The following MUC5B variants were observed in gnomAD, a reference collection of about 807,000 sequenced individuals.
MUC5B encodes the protein mucin-5B.
MUC5B carries 116 observed loss-of-function variants against 376.9 expected under a neutral mutation model. That is an observed-to-expected ratio of 0.31 (90% CI 0.26 to 0.36). The LOEUF (loss-of-function observed/expected upper bound fraction) is 0.36, where lower values mean the gene tolerates loss of function less well. Among genes scored for constraint, MUC5B ranks in the 10% least tolerant of loss-of-function variants. The pLI, the probability that MUC5B is intolerant of heterozygous loss-of-function variation, is 1.00. For synonymous variants in MUC5B, 3,517 were observed against 3,390.9 expected (o/e 1.04, Z -1.29); for missense variants, 7,165 against 7,769.9 (o/e 0.92, Z 2.93).
At chr11:1,237,223 C>A in intron 25 of MUC5B, 59 bp downstream of exon 25, 1 of 1,329,524 alleles carries the variant, frequency 7.5e-7, no homozygotes, top group East Asian at 3.0e-5. Context: ...TTCCTTCCCG[C>A]CGAGAACTGG....
intron 23 of MUC5B, among the ~76,000 whole-genome samples, 197 bp from the exon 24 acceptor site, chr11:1,236,187 CCT>C (rs1862152608): frequency 6.6e-6 from 1 of 152,170 alleles, no homozygotes; most frequent in Non-Finnish European, 1.5e-5. Context: ...CCAGGCAGCC[CCT>C]GTTCCCAGCA....
chr11:1,226,770 C>T lies in MUC5B; in HGVS notation c.355C>T (p.Arg119Cys), dbSNP rs1282126408. 4.3e-6 allele frequency: 7 copies of T among 1,612,584 alleles called. No individual in the cohort carries two copies. The highest frequency in any genetic ancestry group is 2.2e-5 in the South Asian group (2 of 91,074). Residue 119 changes from arginine to cysteine, a missense_variant, in exon 4 of 49, where the codon CGC (arginine) becomes TGC (cysteine). By Grantham distance (180) the Arg-to-Cys change is radical. Coordinates refer to ENST00000529681, the MANE Select transcript of MUC5B (RefSeq NM_002458.3). ...CTACGAGGACTTCAACGTCCAGCTA[C>T]GCCGAGGCCTAGTGGGCTCCAGGCC... ...AAYEDFNVQL[R>C]RGLVGSRPVV...
rs548726067 is a variant in MUC5B at position 1,245,150 on chromosome 11, G to A, written c.8270G>A (p.Arg2757Gln). ...VPNTTATTHG[R>Q]SLSPSSPHTV... The stretch of plus-strand genomic sequence containing the variant: ...AACACCACGGCCACCACACACGGGC[G>A]ATCCCTGTCCCCCAGCAGTCCCCAC... The change falls in exon 31 of 49, where the codon CGA becomes CAA. Residue 2757 changes from arginine (R) to glutamine (Q), a missense_variant. By Grantham distance (43) the Arg-to-Gln change is conservative. This residue lies in a region of MUC5B where 70 missense variants were observed against 169.1 expected (regional missense o/e 0.41). Coordinates refer to ENST00000529681, the MANE Select transcript of MUC5B (RefSeq NM_002458.3). 1.6e-4 allele frequency: 246 copies of A among 1,560,892 alleles called. No individual in the cohort carries two copies. The highest frequency in any genetic ancestry group is 2.0e-4 in the Non-Finnish European group (228 of 1,152,254).
rs750221816 is a variant in MUC5B at position 1,228,736 on chromosome 11, C to T, written c.947C>T (p.Pro316Leu). 2.2e-5 allele frequency: 34 copies of T among 1,520,636 alleles called. No individual in the cohort carries two copies. In the Middle Eastern group the frequency reaches 6.9e-4, roughly 31 times the overall value. 94.2% of individuals were successfully genotyped at this position (1,520,636 alleles called of 1,614,324 possible). A position where few individuals can be genotyped will look rare whatever the true frequency, so the allele number is the denominator to read the frequency against. Residue 316 changes from proline to leucine, a missense_variant, in exon 8 of 49, where the codon CCG becomes CTG. Around this residue, in one of 31 missense-constraint regions of MUC5B, gnomAD observed 640 missense variants for 733.0 expected, o/e 0.87. Transcript: ENST00000529681. ...CAGTGCGCCCACGCGGGGGGCCAGC[C>T]GCGGAACTGGAGGTGCCCTGAGCTC... ...SRQCAHAGGQ[P>L]RNWRCPELCP... is the part of the protein sequence containing the mutation.
Position 1,244,935 on chromosome 11 carries a change from T to C in MUC5B, c.8055T>C (p.Gly2685=). ...ATPSSSTQTS[G]TPPSLTTTAT... ...CCTCCTCTAGCACACAGACCAGTGG[T>C]ACTCCCCCATCACTGACCACCACGG... The change falls in exon 31 of 49, where the codon GGT becomes GGC. Residue 2685 remains glycine (G), a synonymous_variant. Transcript: ENST00000529681. 1.3e-6 allele frequency: 2 copies of C among 1,577,766 alleles called. No individual in the cohort carries two copies. The highest frequency in any genetic ancestry group is 8.6e-7 in the Non-Finnish European group (1 of 1,164,676).
chr11:1,252,230 C>A, intron 31 of MUC5B, 113 bp from the exon 32 acceptor site: 2 of 1,090,520 alleles, frequency 1.8e-6, no homozygotes, highest in South Asian at 1.6e-5. Context: ...TCTCCACTCC[C>A]TTCCCTGGAA....
At position 1,242,362 on chromosome 11, in the gene MUC5B, A is replaced by G; in HGVS notation, c.5482A>G (p.Ile1828Val). 2 of 1,613,888 alleles carry G rather than the reference A, an allele frequency of 1.2e-6. No individual in the cohort carries two copies. The highest frequency in any genetic ancestry group is 1.7e-6 in the Non-Finnish European group (2 of 1,179,854). The change falls in exon 31 of 49, where the codon ATA (isoleucine) becomes GTA (valine). Residue 1828 changes from isoleucine to valine, a missense_variant. Coordinates refer to ENST00000529681, the MANE Select transcript of MUC5B (RefSeq NM_002458.3). ...CAAGATGTGCTGGGCACCAAAGAGCATAGAGTGCCGGGCGGAGAACTACCC... is the reference window on the plus strand; with the variant it reads ...CAAGATGTGCTGGGCACCAAAGAGCGTAGAGTGCCGGGCGGAGAACTACCC... ...GGKMCWAPKSIECRAENYPEV... is the reference protein window; with the variant it reads ...GGKMCWAPKSVECRAENYPEV...
intron 4 of MUC5B, 24 bp from the exon 5 acceptor site, chr11:1,227,007 G>A: frequency 1.3e-6 from 2 of 1,594,626 alleles, no homozygotes; most frequent in Non-Finnish European, 1.7e-6. Context: ...CGGGGCCCAG[G>A]GAGAGACCCC....
rs375138810 is a variant in MUC5B, at chr11:1,236,997, G to A, written c.3130G>A (p.Val1044Met). 1.8e-4 allele frequency: 276 copies of A among 1,572,140 alleles called. No homozygotes were observed. Among genetic ancestry groups the A allele is most frequent in the Non-Finnish European group, 2.0e-4 (233 of 1,158,808 alleles). ...TGACTTTGCCACGCGTAGCCGGTCC[G>A]TGGTGGGGGACGCACTGGAGTTTGG... Reference protein sequence around the residue: ...INDFATRSRSVVGDALEFGNS... With the variant: ...INDFATRSRSMVGDALEFGNS... The change falls in exon 25 of 49, where the codon GTG (valine) becomes ATG (methionine). Residue 1044 changes from valine to methionine, a missense_variant. This residue lies in a region of MUC5B where 143 missense variants were observed against 193.2 expected (regional missense o/e 0.74). Transcript: ENST00000529681.
chr11:1,239,437 G>C lies in MUC5B; in HGVS notation c.3455-1G>C. 1 of 1,606,864 alleles carries C rather than the reference G, an allele frequency of 6.2e-7. No homozygotes were observed. Among genetic ancestry groups the C allele is most frequent in the Non-Finnish European group, 8.5e-7 (1 of 1,175,462 alleles). On this transcript the variant is annotated splice_acceptor_variant, in intron 26 of 48. Transcript: ENST00000529681. LOFTEE classifies it high-confidence loss of function. ...CTTAGCCTCTGCCCTCTGTGCCCCA[G>C]CCTTGTTCTGTGACTTCTACAACCC...
intron 8 of MUC5B, 60 bp from the exon 9 acceptor site, chr11:1,229,110 C>A: frequency 4.1e-6 from 6 of 1,473,044 alleles, no homozygotes; most frequent in Non-Finnish European, 3.6e-6. Context: ...GCGGCTGGGG[C>A]TGACCACACG....
chr11:1,228,985 G>T (rs961085105), intron 8 of MUC5B, among the ~76,000 whole-genome samples, 185 bp from the exon 9 acceptor site: 1 of 152,098 alleles, frequency 6.6e-6, no homozygotes, highest in Non-Finnish European at 1.5e-5. Flanking sequence ...CTGTGCAGCA[G>T]GTGGCGGGGG....
intron 14 of MUC5B, 101 bp downstream of exon 14, chr11:1,231,661 G>A (rs1273134737): frequency 4.5e-5 from 62 of 1,376,720 alleles, no homozygotes; most frequent in Non-Finnish European, 5.3e-5. Context: ...GCAGGGGACC[G>A]GGGAGGGGGC....
At chr11:1,259,470 G>C (rs1862941762) in intron 44 of MUC5B, 1 of 550,570 alleles carries the variant, frequency 1.8e-6, no homozygotes, top group East Asian at 3.0e-5. Context: ...TATGAAGTAG[G>C]AGGATAACTG....
chr11:1,233,244 T>C lies in MUC5B; in HGVS notation c.2297T>C (p.Val766Ala). Residue 766 changes from valine (V) to alanine (A), a missense_variant, in exon 18 of 49, where the codon GTG (valine) becomes GCG (alanine). Val to Ala is a moderately conservative substitution (Grantham distance 64, BLOSUM62 0). Coordinates refer to ENST00000529681, the MANE Select transcript of MUC5B (RefSeq NM_002458.3). ...AHGTVLAPGE[V>A]VHDEGAVCSC... Reference sequence around the variant, plus strand: ...GGCACCGTGCTGGCTCCTGGAGAGGTGGTGCACGACGAGGGCGCCGTGTGG... The same window carrying C: ...GGCACCGTGCTGGCTCCTGGAGAGGCGGTGCACGACGAGGGCGCCGTGTGG... The C allele has an allele frequency of 6.3e-7, 1 of 1,582,656 alleles. No homozygotes were observed. The highest frequency in any genetic ancestry group is 1.1e-5 in the South Asian group (1 of 88,468).
rs377724360 is a variant in MUC5B at position 1,249,095 on chromosome 11, G to A, written c.12215G>A (p.Ser4072Asn). The change falls in exon 31 of 49, where the codon AGC (serine) becomes AAC (asparagine). Residue 4072 changes from serine (S) to asparagine (N), a missense_variant. Ser to Asn is a conservative substitution (Grantham distance 46). Around this residue, in one of 31 missense-constraint regions of MUC5B, gnomAD observed 85 missense variants for 78.2 expected, o/e 1.09. Transcript: ENST00000529681. The stretch of plus-strand genomic sequence containing the variant: ...CCAGCCCTGTCCAGCCCTCACCCTA[G>A]CAGCAGGACCACCGAGTCACCCCCT... ...STPALSSPHP[S>N]SRTTESPPSP... 79 of 1,608,954 alleles carry A rather than the reference G, an allele frequency of 4.9e-5. No individual in the cohort carries two copies. Among genetic ancestry groups the A allele is most frequent in the Non-Finnish European group, 6.6e-5 (78 of 1,179,046 alleles).
rs758313646 is a variant in MUC5B, at chr11:1,246,277, T to A, written c.9397T>A (p.Trp3133Arg). 3 of 1,609,254 alleles carry A rather than the reference T, an allele frequency of 1.9e-6. No homozygotes were observed. The highest frequency in any genetic ancestry group is 2.2e-5 in the East Asian group (1 of 44,508). ...STPSSTPGTT[W>R]ILTELTTAAT... ...CCCCTCCTCCACTCCGGGGACGACC[T>A]GGATCCTCACAGAGCTGACCACAGC... Residue 3133 changes from tryptophan to arginine, a missense_variant, in exon 31 of 49, where the codon TGG (tryptophan) becomes AGG (arginine). Coordinates refer to ENST00000529681, the MANE Select transcript of MUC5B (RefSeq NM_002458.3).
chr11:1,228,815 A>T, intron 8 of MUC5B, 50 bp downstream of exon 8: 128 of 409,958 alleles, frequency 3.1e-4, no homozygotes, highest in Non-Finnish European at 3.9e-4. Context: ...GAGAAGGGGC[A>T]GGGGGAGCGC....
chr11:1,231,490 G>A lies in MUC5B; in HGVS notation c.1608G>A (p.Leu536=). The change falls in exon 14 of 49, where the codon CTG becomes CTA. Residue 536 remains leucine (L), a synonymous_variant. Coordinates refer to ENST00000529681, the MANE Select transcript of MUC5B (RefSeq NM_002458.3). ...TGCAGACAGGCCTGGGGCTGCAGCT[G>A]CTGGTGCAGCTGGTGCCACTCATGC... ...IVVQTGLGLQ[L]LVQLVPLMQV... is the part of the protein sequence containing the mutation. 6.2e-7 allele frequency: 1 copy of A among 1,607,442 alleles called. No individual in the cohort carries two copies. Among genetic ancestry groups the A allele is most frequent in the Non-Finnish European group, 8.5e-7 (1 of 1,177,676 alleles).
Sources: allele counts gnomAD v4.1 joint callset (sites outside exome capture counted in the v4.1 genomes callset), GRCh38; gene constraint gnomAD v4.1.1; regional missense constraint gnomAD v4.1.1; transcripts MANE v1.5; gene names NCBI Gene and HGNC (gene_info 2026-07-23, HGNC 2026-07-21).